POP1: variants seen among roughly 807,000 people sequenced by gnomAD.
POP1 encodes ribonucleases P/MRP protein subunit POP1.
Under a neutral mutation model 102.2 loss-of-function variants are expected in POP1, and 75 were observed. The ratio of observed to expected loss-of-function variants is 0.73; its 90% CI spans 0.61 to 0.89. The LOEUF is 0.89. Among genes scored for constraint, POP1 ranks in the 40% least tolerant of loss-of-function variants. The pLI, the probability that POP1 is intolerant of heterozygous loss-of-function variation, is 0.00. For missense variants in POP1, 1,116 were observed against 1,267.4 expected (o/e 0.88, Z 1.81); for synonymous variants, 436 against 464.1 (o/e 0.94, Z 0.78).
chr8:98,155,779 T>A (rs1809628856), intron 14 of POP1, among the ~76,000 whole-genome samples: 1 of 152,022 alleles, frequency 6.6e-6, no homozygotes, highest in African/African-American at 2.4e-5. Flanking sequence ...TTTCACCATG[T>A]TGGCCAGGCT....
At chr8:98,139,331 A>G (rs1363606897) in intron 9 of POP1, among the ~76,000 whole-genome samples, 1 of 152,214 alleles carries the variant, frequency 6.6e-6, no homozygotes, top group Non-Finnish European at 1.5e-5. Flanking sequence ...TAGTAGTAGT[A>G]TATCTTTTAT....
chr8:98,139,705 C>T (rs981519138), intron 9 of POP1, among the ~76,000 whole-genome samples: 1 of 151,928 alleles, frequency 6.6e-6, no homozygotes, highest in African/African-American at 2.4e-5. Flanking sequence ...TGCACTCCAG[C>T]CTCAGTGACA....
At chr8:98,145,926 A>G (rs1258426047) in intron 11 of POP1, among the ~76,000 whole-genome samples, 2 of 152,156 alleles carry the variant, frequency 1.3e-5, no homozygotes, top group Non-Finnish European at 2.9e-5. Context: ...AAAGGATGAA[A>G]AAATACATTT....
intron 11 of POP1, among the ~76,000 whole-genome samples, chr8:98,146,012 A>G (rs1474894021): frequency 6.6e-6 from 1 of 152,208 alleles, no homozygotes; most frequent in Non-Finnish European, 1.5e-5. Flanking sequence ...GAAGATGATG[A>G]TATCTGTTGG....
At chr8:98,134,790 T>C (rs1393276496) in intron 7 of POP1, 131 bp downstream of exon 7, 22 of 985,612 alleles carry the variant, frequency 2.2e-5, no homozygotes, top group Non-Finnish European at 3.2e-5. Flanking sequence ...TGGGGGGCTC[T>C]ATGATTATTG....
In POP1 at chr8:98,157,675, C is replaced by T. The variant is rs138030882; in HGVS notation, c.2479C>T (p.Arg827Trp). ...AWCGPSSEDSRGGRRAPGRGQ... is the reference protein window; with the variant it reads ...AWCGPSSEDSWGGRRAPGRGQ... ...GTGTGGGCCCAGTTCTGAGGATAGT[C>T]GGGGAGGCCGGCGAGCTCCCGGCAG... The change falls in exon 16 of 16, where the codon CGG becomes TGG. Residue 827 changes from arginine (R) to tryptophan (W), a missense_variant. By Grantham distance (101) the Arg-to-Trp change is moderately radical (BLOSUM62 -3). Coordinates refer to ENST00000401707, the MANE Select transcript of POP1 (RefSeq NM_001145860.2). The T allele has an allele frequency of 2.5e-5, 41 of 1,613,992 alleles. No homozygotes were observed. The highest frequency in any genetic ancestry group is 2.0e-4 in the Admixed American group (12 of 59,994).
chr8:98,150,447 T>C (rs1180773668), intron 13 of POP1, 38 bp from the exon 14 acceptor site: 2 of 1,612,218 alleles, frequency 1.2e-6, no homozygotes, highest in Non-Finnish European at 1.7e-6. Context: ...TCACTTTAAG[T>C]TGGTAGACTG....
intron 2 of POP1, among the ~76,000 whole-genome samples, chr8:98,126,616 TC>T: frequency 6.6e-6 from 1 of 152,314 alleles, no homozygotes; most frequent in Admixed American, 6.5e-5. Context: ...TGATTGCTTA[TC>T]AGTAGCATAT....
In POP1 at chr8:98,159,000, T is replaced by C. The variant is rs1240435349; in HGVS notation, c.*729T>C. 6.6e-6 allele frequency: 1 copy of C among 152,146 alleles called. No homozygotes were observed. The highest frequency in any genetic ancestry group is 2.4e-5 in the African/African-American group (1 of 41,416). 9.4% of individuals were successfully genotyped at this position (152,146 alleles called of 1,614,324 possible). A position where few individuals can be genotyped will look rare whatever the true frequency, so the allele number is the denominator to read the frequency against. On this transcript the variant is annotated 3_prime_UTR_variant, in exon 16 of 16. Transcript: ENST00000401707. ...TTCTGCAAAGATTTTCTCAAAGCCA[T>C]AGAGGAGCATTTCTCAGAATATGTT...
chr8:98,143,275 T>C (rs1190381121), intron 11 of POP1, among the ~76,000 whole-genome samples: 2 of 152,210 alleles, frequency 1.3e-5, no homozygotes, highest in African/African-American at 4.8e-5. Flanking sequence ...ATATTCTTTT[T>C]CTCTTCCCAG....
At position 98,156,153 on chromosome 8, in the gene POP1, G is replaced by A. The variant is rs776024486; in HGVS notation, c.2161G>A (p.Ala721Thr). Residue 721 changes from alanine (A) to threonine (T), a missense_variant, in exon 15 of 16, where the codon GCT becomes ACT. Physicochemically the swap from Ala to Thr is moderately conservative, Grantham distance 58. Coordinates refer to ENST00000401707, the MANE Select transcript of POP1 (RefSeq NM_001145860.2). ...TCAAGACTGGGAGTCAAGAGTCCAG[G>A]CTTACGAAGAACCTTCTGTAGCTTC... is the stretch of plus-strand genomic sequence containing the variant. ...LTQDWESRVQ[A>T]YEEPSVASSP... 63 of 1,613,956 alleles carry A rather than the reference G, an allele frequency of 3.9e-5. No homozygotes were observed. In the South Asian group the frequency reaches 5.8e-4, roughly 15 times the overall value.
chr8:98,129,077 C>T (rs1816300781), intron 4 of POP1, among the ~76,000 whole-genome samples: 1 of 152,034 alleles, frequency 6.6e-6, no homozygotes, highest in African/African-American at 2.4e-5. Flanking sequence ...TTTGATACTC[C>T]TCTCTTGTAA....
intron 9 of POP1, among the ~76,000 whole-genome samples, chr8:98,137,749 G>A (rs1033464829): frequency 6.6e-6 from 1 of 152,218 alleles, no homozygotes; most frequent in African/African-American, 2.4e-5. Flanking sequence ...TACTTGAATT[G>A]TGGCTAGAGT....
chr8:98,136,366 G>A (rs904294251), intron 7 of POP1, 116 bp from the exon 8 acceptor site: 9 of 1,172,154 alleles, frequency 7.7e-6, no homozygotes, highest in Middle Eastern at 2.9e-4. Context: ...ATGAGCCACC[G>A]TGCCTGGCCA....
Position 98,140,784 on chromosome 8 carries a change from C to G in POP1, c.1490C>G (p.Ala497Gly), listed in dbSNP as rs746810964. Residue 497 changes from alanine to glycine, a missense_variant, in exon 11 of 16, where the codon GCA becomes GGA. By Grantham distance (60) the Ala-to-Gly change is moderately conservative. Coordinates refer to ENST00000401707, the MANE Select transcript of POP1 (RefSeq NM_001145860.2). ...FELLGGITSPAEIPAGTILGL... is the reference protein window; with the variant it reads ...FELLGGITSPGEIPAGTILGL... ...GTTGTTAAAGGAATAACATCACCAG[C>G]AGAAATTCCGGCAGGTACTATTCTG... is the stretch of plus-strand genomic sequence containing the variant. 1.2e-6 allele frequency: 2 copies of G among 1,613,918 alleles called. No individual in the cohort carries two copies. The highest frequency in any genetic ancestry group is 1.7e-6 in the Non-Finnish European group (2 of 1,179,826).
At chr8:98,141,370 T>G (rs1816699150) in intron 11 of POP1, among the ~76,000 whole-genome samples, 1 of 152,108 alleles carries the variant, frequency 6.6e-6, no homozygotes, top group Admixed American at 6.6e-5. Context: ...AGAAAGTTGT[T>G]TGGCTGGGGT....
chr8:98,133,269 ATAAC>A (rs1424425331), intron 5 of POP1, among the ~76,000 whole-genome samples: 14 of 152,136 alleles, frequency 9.2e-5, no homozygotes, highest in Non-Finnish European at 7.3e-5. Flanking sequence ...TATGGATACT[ATAAC>A]TATTGAAACT....
rs768037566 is a variant in POP1 at position 98,136,843 on chromosome 8, A to AATC, written c.1269-18_1269-17insATC. 2.4e-5 allele frequency: 38 copies of AATC among 1,611,612 alleles called. No homozygotes were observed. In the Middle Eastern group the frequency reaches 1.2e-3, roughly 49 times the overall value. On this transcript the variant is annotated splice_polypyrimidine_tract_variant and intron_variant, in intron 8 of 15. Transcript: ENST00000401707. Reference sequence around the variant, plus strand: ...GTGTGATGAAAGTTTCCATTTTAAGATGTTCTTTCTTTTTCAGCGATTTGA... The same window carrying AATC: ...GTGTGATGAAAGTTTCCATTTTAAGAATCTGTTCTTTCTTTTTCAGCGATTTGA...
intron 11 of POP1, among the ~76,000 whole-genome samples, chr8:98,145,106 C>G (rs1468445840): frequency 6.6e-6 from 1 of 152,182 alleles, no homozygotes; most frequent in Non-Finnish European, 1.5e-5. Flanking sequence ...CCAGGCTGGT[C>G]TTGAACTCCT....
Sources: allele counts gnomAD v4.1 joint callset (sites outside exome capture counted in the v4.1 genomes callset), GRCh38; gene constraint gnomAD v4.1.1; transcripts MANE v1.5; gene names NCBI Gene and HGNC (gene_info 2026-07-23, HGNC 2026-07-21).